RCAN2: variants seen among roughly 807,000 people sequenced by gnomAD.
RCAN2 encodes the protein regulator of calcineurin 2, also known as calcipressin-2.
In RCAN2, 9 loss-of-function variants were observed where a neutral mutation model predicts 23.6. The observed-to-expected ratio is 0.38, with a 90% CI of 0.23 to 0.67. RCAN2 has a LOEUF of 0.67. RCAN2 is among the 30% of genes least tolerant of loss of function. The pLI is 0.51. For missense variants in RCAN2, 273 were observed against 302.3 expected (o/e 0.90, Z 0.72); for synonymous variants, 109 against 115.7 (o/e 0.94, Z 0.37).
intron 2 of RCAN2, among the ~76,000 whole-genome samples, chr6:46,367,639 G>A (rs1482927444): frequency 6.6e-6 from 1 of 152,118 alleles, no homozygotes; most frequent in East Asian, 1.9e-4. Context: ...GGTAATGGAT[G>A]ATGTATTTTA....
rs565172930 is a variant in RCAN2 at position 46,406,623 on chromosome 6, T to G, written c.225+50129A>C. 5.3e-5 allele frequency among the ~76,000 whole-genome samples: 8 copies of G among 152,362 alleles called. 1 individual carries two copies. The East Asian group carries it at 1.5e-3, about 29-fold the overall frequency. The stretch of plus-strand genomic sequence containing the variant: ...GTCAGCTCTCTTTTTTCTTAATGCT[T>G]ACAAGTAACTCAGAGAGAAACAGGT... On this transcript the variant is annotated intron_variant, in intron 2 of 4. Coordinates refer to ENST00000371374, the MANE Select transcript of RCAN2 (RefSeq NM_001251974.2).
chr6:46,418,988 G>T (rs148820321), intron 2 of RCAN2, among the ~76,000 whole-genome samples: 1 of 151,624 alleles, frequency 6.6e-6, no homozygotes, highest in East Asian at 1.9e-4. Flanking sequence ...CTTGGGAAGC[G>T]GAGGCTGCAG....
intron 2 of RCAN2, among the ~76,000 whole-genome samples, chr6:46,338,938 C>A: frequency 8.7e-6 from 1 of 115,442 alleles, no homozygotes. Context: ...TTGCTTGAAC[C>A]CAGGAGGTGG....
chr6:46,437,797 C>G lies in RCAN2; in HGVS notation c.225+18955G>C, dbSNP rs80218277. 2.4e-4 allele frequency among the ~76,000 whole-genome samples: 37 copies of G among 152,142 alleles called. No individual in the cohort carries two copies. The East Asian group carries it at 7.0e-3, about 29-fold the overall frequency. ...CCAGACACAGGGGCTATTCTTAGAA[C>G]AACCAAAAAAAGCATGGAGCTGCCT... is the stretch of plus-strand genomic sequence containing the variant. On this transcript the variant is annotated intron_variant, in intron 2 of 4. Transcript: ENST00000371374.
intron 2 of RCAN2, among the ~76,000 whole-genome samples, chr6:46,361,826 A>G (rs1765024251): frequency 6.6e-6 from 1 of 152,204 alleles, no homozygotes; most frequent in Non-Finnish European, 1.5e-5. Flanking sequence ...GATATTGTTG[A>G]TACCTAAAGA....
At chr6:46,291,591 T>A (rs1762564747) in intron 2 of RCAN2, among the ~76,000 whole-genome samples, 1 of 152,124 alleles carries the variant, frequency 6.6e-6, no homozygotes, top group Non-Finnish European at 1.5e-5. Flanking sequence ...TGTCTTTTTC[T>A]TCCTAACAAC....
intron 2 of RCAN2, among the ~76,000 whole-genome samples, chr6:46,417,710 C>G (rs552407566): frequency 2.0e-5 from 3 of 152,160 alleles, no homozygotes; most frequent in Middle Eastern, 3.2e-3. Flanking sequence ...CCAACATATT[C>G]AATTTCATTT....
intron 2 of RCAN2, among the ~76,000 whole-genome samples, chr6:46,336,587 G>A (rs1561864442): frequency 6.6e-6 from 1 of 152,042 alleles, no homozygotes; most frequent in Non-Finnish European, 1.5e-5. Flanking sequence ...GCCTGAGCAG[G>A]GCATGATGGG....
chr6:46,410,341 CT>C (rs1175186277), intron 2 of RCAN2, among the ~76,000 whole-genome samples: 2 of 152,182 alleles, frequency 1.3e-5, no homozygotes, highest in African/African-American at 4.8e-5. Context: ...ATCTATCTAC[CT>C]ACCTACGTAC....
At chr6:46,253,191 AATCT>A (rs1353263531) in intron 2 of RCAN2, among the ~76,000 whole-genome samples, 4 of 152,228 alleles carry the variant, frequency 2.6e-5, no homozygotes, top group African/African-American at 9.6e-5. Flanking sequence ...CATTACTTTT[AATCT>A]ATCTACCATC....
intron 2 of RCAN2, among the ~76,000 whole-genome samples, chr6:46,399,326 G>A (rs1484546919): frequency 6.6e-6 from 1 of 151,666 alleles, no homozygotes; most frequent in East Asian, 2.0e-4. Flanking sequence ...AATAAAAGCT[G>A]CTTTGAATGG....
chr6:46,281,574 T>C lies in RCAN2; in HGVS notation c.226-32678A>G, dbSNP rs369102914. 7.2e-5 allele frequency among the ~76,000 whole-genome samples: 11 copies of C among 152,372 alleles called. No homozygotes were observed. The East Asian group carries it at 1.9e-3, about 27-fold the overall frequency. On this transcript the variant is annotated intron_variant, in intron 2 of 4. Transcript: ENST00000371374. Reference sequence around the variant, plus strand: ...AGAAAAGGAAGGCTCACCAGTGATGTAGCAGCTTTCAAACAGTATCAATTA... The same window carrying C: ...AGAAAAGGAAGGCTCACCAGTGATGCAGCAGCTTTCAAACAGTATCAATTA...
chr6:46,295,218 A>T (rs1344681822), intron 2 of RCAN2, among the ~76,000 whole-genome samples: 1 of 152,126 alleles, frequency 6.6e-6, no homozygotes, highest in Non-Finnish European at 1.5e-5. Flanking sequence ...GGGAATATGC[A>T]AGTGGAGACA....
chr6:46,483,167 C>T (rs796364231), intron 1 of RCAN2, among the ~76,000 whole-genome samples: 3 of 152,288 alleles, frequency 2.0e-5, no homozygotes, highest in African/African-American at 7.2e-5. Context: ...TAGAGACATT[C>T]TAAGTTTCTT....
At chr6:46,266,606 C>T (rs1582046321) in intron 2 of RCAN2, among the ~76,000 whole-genome samples, 1 of 152,170 alleles carries the variant, frequency 6.6e-6, no homozygotes, top group Non-Finnish European at 1.5e-5. Flanking sequence ...AATCCTGGTA[C>T]ATTTAAGATG....
At chr6:46,263,916 A>G (rs1561834331) in intron 2 of RCAN2, among the ~76,000 whole-genome samples, 1 of 152,190 alleles carries the variant, frequency 6.6e-6, no homozygotes, top group Non-Finnish European at 1.5e-5. Context: ...CAGCACTCAC[A>G]CATTTTTTAC....
chr6:46,230,455 C>T (rs1471096222), intron 4 of RCAN2, among the ~76,000 whole-genome samples: 1 of 152,210 alleles, frequency 6.6e-6, no homozygotes, highest in Non-Finnish European at 1.5e-5. Flanking sequence ...CTTTGTTTAT[C>T]TACTCAAGCC....
At chr6:46,402,462 C>G (rs2150403508) in intron 2 of RCAN2, among the ~76,000 whole-genome samples, 1 of 152,252 alleles carries the variant, frequency 6.6e-6, no homozygotes, top group East Asian at 1.9e-4. Context: ...AGTCAGAAAC[C>G]AGAACCCTTT....
chr6:46,414,114 T>C (rs79160247), intron 2 of RCAN2, among the ~76,000 whole-genome samples: 5,177 of 152,262 alleles, frequency 0.034, 115 homozygotes, highest in Middle Eastern at 0.054. Flanking sequence ...AATGCCAATA[T>C]GCTGGCCAGT....
Sources: gnomAD v4.1 joint callset for allele counts (sites outside exome capture counted in the v4.1 genomes callset) on GRCh38, gnomAD v4.1.1 for gene constraint, MANE v1.5 for transcripts, NCBI Gene and HGNC (gene_info 2026-07-23, HGNC 2026-07-21) for gene names.